Variants in RUFY3 observed in about 807,000 individuals in gnomAD.
RUFY3 encodes the protein RUN and FYVE domain containing 3.
A neutral mutation model predicts 84.0 loss-of-function variants in RUFY3; 34 were observed. The ratio of observed to expected loss-of-function variants is 0.40; its 90% CI spans 0.31 to 0.54. RUFY3 has a LOEUF of 0.54. Among genes scored for constraint, RUFY3 ranks in the 20% least tolerant of loss-of-function variants. RUFY3 has a pLI of 0.39. For missense variants in RUFY3, 507 were observed against 736.8 expected (o/e 0.69, Z 3.61); for synonymous variants, 242 against 252.9 (o/e 0.96, Z 0.41).
At chr4:70,789,471 G>A in intron 11 of RUFY3, 24 bp from the exon 12 acceptor site, 2 of 1,598,256 alleles carry the variant, frequency 1.3e-6, no homozygotes, top group Non-Finnish European at 1.7e-6. Context: ...TATACAGGTT[G>A]TTTATCGTTA....
intron 1 of RUFY3, among the ~76,000 whole-genome samples, chr4:70,738,231 T>G (rs533136134): frequency 6.6e-6 from 1 of 151,994 alleles, no homozygotes; most frequent in South Asian, 2.1e-4. Context: ...TCAAGCGATC[T>G]GCCTGCCTTG....
At chr4:70,782,123 TG>T (rs1729021842) in intron 8 of RUFY3, among the ~76,000 whole-genome samples, 1 of 152,130 alleles carries the variant, frequency 6.6e-6, no homozygotes, top group Non-Finnish European at 1.5e-5. Flanking sequence ...GTTTGTCACA[TG>T]GGTTCCATGG....
chr4:70,733,108 GA>G (rs1300698396), intron 1 of RUFY3, among the ~76,000 whole-genome samples: 3,014 of 85,322 alleles, frequency 0.035, 73 homozygotes, highest in African/African-American at 0.13. Flanking sequence ...GAGAGAGAGA[GA>G]GAGAGAGAGA....
At chr4:70,784,219 C>T (rs948658174) in intron 9 of RUFY3, among the ~76,000 whole-genome samples, 1 of 152,230 alleles carries the variant, frequency 6.6e-6, no homozygotes, top group African/African-American at 2.4e-5. Flanking sequence ...TGCAGTGGCT[C>T]ACGCCTGTAA....
intron 1 of RUFY3, among the ~76,000 whole-genome samples, chr4:70,761,368 G>A (rs893850548): frequency 6.6e-6 from 1 of 152,168 alleles, no homozygotes; most frequent in African/African-American, 2.4e-5. Flanking sequence ...TAAAAGAATG[G>A]TCAGGAGGAG....
At chr4:70,715,218 AATAATCAT>A (rs1213087045) in intron 1 of RUFY3, among the ~76,000 whole-genome samples, 5 of 152,186 alleles carry the variant, frequency 3.3e-5, no homozygotes, top group Admixed American at 1.3e-4. Flanking sequence ...CATTGAGTTG[AATAATCAT>A]ATAATTTAAC....
chr4:70,717,281 G>A (rs1741732727), upstream of RUFY3, among the ~76,000 whole-genome samples: 1 of 152,160 alleles, frequency 6.6e-6, no homozygotes, highest in Non-Finnish European at 1.5e-5. Context: ...TGTCCAACTA[G>A]TATGTAAATG....
intron 1 of RUFY3, among the ~76,000 whole-genome samples, chr4:70,715,575 G>GTAACAC (rs1741471741): frequency 9.2e-6 from 1 of 109,056 alleles, no homozygotes; most frequent in South Asian, 3.4e-4. Flanking sequence ...CCGGGTGAGA[G>GTAACAC]TAACACTATC....
intron 8 of RUFY3, among the ~76,000 whole-genome samples, chr4:70,781,360 G>T (rs1728892898): frequency 6.6e-6 from 1 of 152,110 alleles, no homozygotes; most frequent in Non-Finnish European, 1.5e-5. Flanking sequence ...CACACCTGTA[G>T]TCCCAGCTAC....
chr4:70,705,302 G>C, intron 1 of RUFY3: 1 of 1,391,926 alleles, frequency 7.2e-7, no homozygotes, highest in East Asian at 3.1e-5. Context: ...ACCGTGAGTG[G>C]CGGAGGGGCA....
chr4:70,775,217 C>G lies in RUFY3; in HGVS notation c.808C>G (p.Leu270Val). The change falls in exon 7 of 18, where the codon CTG (leucine) becomes GTG (valine). Residue 270 changes from leucine to valine, a missense_variant. Coordinates refer to ENST00000381006, the MANE Select transcript of RUFY3 (RefSeq NM_001037442.4). ...GGACCAGAAGAACTATGTAGAAGAACTGAACAGACATTTGAAGTAAATAAT... is the reference window on the plus strand; with the variant it reads ...GGACCAGAAGAACTATGTAGAAGAAGTGAACAGACATTTGAAGTAAATAAT... ...ILDQKNYVEE[L>V]NRHLNATVNN... is the part of the protein sequence containing the mutation. The G allele has an allele frequency of 6.3e-7, 1 of 1,592,468 alleles. No individual in the cohort carries two copies. The highest frequency in any genetic ancestry group is 1.1e-5 in the South Asian group (1 of 88,896).
intron 1 of RUFY3, among the ~76,000 whole-genome samples, chr4:70,751,102 A>G (rs1299992813): frequency 6.6e-6 from 1 of 152,154 alleles, no homozygotes; most frequent in Non-Finnish European, 1.5e-5. Flanking sequence ...TTCAGGGGCT[A>G]CATGCGCAGG....
intron 1 of RUFY3, chr4:70,741,796 G>A (rs866512595): frequency 1.5e-6 from 1 of 667,752 alleles, no homozygotes; most frequent in Middle Eastern, 2.6e-4. Context: ...ATTTCCCATG[G>A]CAATAAGTGG....
Position 70,778,432 on chromosome 4 carries a change from A to C in RUFY3, c.888A>C (p.Thr296=). Residue 296 remains threonine, a synonymous_variant, in exon 8 of 18, where the codon ACA becomes ACC. Transcript: ENST00000381006. ...DALEKSNTKL[T]EELAVANNRI... Reference sequence around the variant, plus strand: ...TAGAAAAATCCAACACTAAACTGACAGAGGAGGTAAGTTTTGGAAATGCTT... The same window carrying C: ...TAGAAAAATCCAACACTAAACTGACCGAGGAGGTAAGTTTTGGAAATGCTT... 1 of 1,589,416 alleles carries C rather than the reference A, an allele frequency of 6.3e-7. No individual in the cohort carries two copies. Among genetic ancestry groups the C allele is most frequent in the East Asian group, 2.2e-5 (1 of 44,608 alleles).
chr4:70,805,870 T>C (rs561189499), intron 17 of RUFY3, among the ~76,000 whole-genome samples: 1 of 152,348 alleles, frequency 6.6e-6, no homozygotes, highest in African/African-American at 2.4e-5. Flanking sequence ...TGGAGCTTTG[T>C]GTATACCACC....
chr4:70,769,598 G>T (rs1370205355), intron 5 of RUFY3, among the ~76,000 whole-genome samples: 4 of 152,136 alleles, frequency 2.6e-5, no homozygotes, highest in African/African-American at 9.7e-5. Flanking sequence ...AGACAACAAT[G>T]AAGTTTACCA....
intron 16 of RUFY3, among the ~76,000 whole-genome samples, chr4:70,803,494 G>A (rs1308383464): frequency 6.7e-6 from 1 of 149,530 alleles, no homozygotes; most frequent in African/African-American, 2.5e-5. Context: ...TACTCACATT[G>A]CCCAAGCTGG....
chr4:70,763,049 C>G (rs962744800), intron 2 of RUFY3, among the ~76,000 whole-genome samples: 1 of 152,158 alleles, frequency 6.6e-6, no homozygotes, highest in African/African-American at 2.4e-5. Context: ...TCTCCCGACT[C>G]TTGGGTCAGT....
chr4:70,786,614 G>A (rs765778468), intron 10 of RUFY3, among the ~76,000 whole-genome samples: 1 of 151,768 alleles, frequency 6.6e-6, no homozygotes, highest in Non-Finnish European at 1.5e-5. Flanking sequence ...CTCTGATTTG[G>A]TCATTACACA....
Sources: gnomAD v4.1 joint callset for allele counts (sites outside exome capture counted in the v4.1 genomes callset) on GRCh38, gnomAD v4.1.1 for gene constraint, MANE v1.5 for transcripts, NCBI Gene and HGNC (gene_info 2026-07-23, HGNC 2026-07-21) for gene names.